GSN: variants seen among roughly 807,000 people sequenced by gnomAD.
The protein encoded by GSN is gelsolin, also known as actin-depolymerizing factor.
GSN carries 56 observed loss-of-function variants against 85.7 expected under a neutral mutation model. The observed-to-expected ratio is 0.65, with a 90% CI of 0.53 to 0.82. The LOEUF (loss-of-function observed/expected upper bound fraction) is 0.82. Ranked by LOEUF, GSN falls within the 40% of genes least tolerant of loss-of-function variation. The probability of loss-of-function intolerance (pLI) is 0.00; values close to 1 mark genes in which losing one functional copy is unlikely to be tolerated. For missense variants in GSN, 857 were observed against 979.8 expected (o/e 0.87, Z 1.67); for synonymous variants, 373 against 399.1 (o/e 0.93, Z 0.78).
At chr9:121,279,497 T>C (rs115919549) in intron 1 of GSN, among the ~76,000 whole-genome samples, 72 of 152,014 alleles carry the variant, frequency 4.7e-4, no homozygotes, top group African/African-American at 1.7e-3. Flanking sequence ...GGGGACACTC[T>C]GGATGCAGTC....
At chr9:121,216,826 A>T (rs950273575) in intron 4 of GSN, among the ~76,000 whole-genome samples, 1 of 152,158 alleles carries the variant, frequency 6.6e-6, no homozygotes, top group African/African-American at 2.4e-5. Context: ...AAACAACAGA[A>T]AATTATTTTA....
At chr9:121,282,235 C>T (rs13295875) in intron 2 of GSN, 25 of 584,398 alleles carry the variant, frequency 4.3e-5, no homozygotes, top group Admixed American at 1.2e-4. Flanking sequence ...TGGTCTCCCC[C>T]TACCCACCTA....
chr9:121,221,211 T>G (rs2054164314), intron 4 of GSN, among the ~76,000 whole-genome samples: 1 of 152,220 alleles, frequency 6.6e-6, no homozygotes, highest in Non-Finnish European at 1.5e-5. Context: ...CCGAAACTTC[T>G]CCATTTCAAG....
At chr9:121,264,170 T>A, upstream of GSN, among the ~76,000 whole-genome samples, 1 of 152,128 alleles carries the variant, frequency 6.6e-6, no homozygotes, top group Non-Finnish European at 1.5e-5. Flanking sequence ...GCATGGAAAT[T>A]TGGCCAGGTG....
intron 4 of GSN, 36 bp downstream of exon 4, chr9:121,303,101 C>T: frequency 3.7e-6 from 6 of 1,601,058 alleles, no homozygotes; most frequent in Non-Finnish European, 5.1e-6. Flanking sequence ...GCGGTAGGGA[C>T]AGATGCACCA....
At chr9:121,286,078 T>G in intron 2 of GSN, 1 of 1,530,430 alleles carries the variant, frequency 6.5e-7, no homozygotes, top group Non-Finnish European at 8.8e-7. Context: ...GAGTCCTATT[T>G]ATAGGCTGAG....
chr9:121,293,409 A>AT (rs34433704), intron 2 of GSN, among the ~76,000 whole-genome samples: 4 of 148,538 alleles, frequency 2.7e-5, no homozygotes, highest in African/African-American at 2.5e-5. Context: ...TTGTCTTTCC[A>AT]TTTTTTTTTT....
chr9:121,204,181 C>T (rs1290226057), upstream of GSN, among the ~76,000 whole-genome samples: 1 of 152,176 alleles, frequency 6.6e-6, no homozygotes. Context: ...TCATTTAATC[C>T]TTACCACATC....
chr9:121,312,287 G>C, intron 5 of GSN, 52 bp from the exon 6 acceptor site: 1 of 1,598,874 alleles, frequency 6.3e-7, no homozygotes. Context: ...CTGTCGCTGG[G>C]CGGGGCTTAT....
At chr9:121,216,788 G>A (rs147490555) in intron 4 of GSN, among the ~76,000 whole-genome samples, 1,918 of 152,304 alleles carry the variant, frequency 0.013, 54 homozygotes, top group Admixed American at 0.058. Context: ...TAGGACTGCC[G>A]TAACAAATAG....
intron 2 of GSN, among the ~76,000 whole-genome samples, chr9:121,290,113 G>A (rs1434201366): frequency 1.3e-5 from 2 of 152,100 alleles, no homozygotes; most frequent in African/African-American, 4.8e-5. Context: ...TGGGATGACC[G>A]TGGTTGGGTC....
Position 121,313,978 on chromosome 9 carries a change from C to A in GSN, c.708C>A (p.Thr236=). The change falls in exon 7 of 18, where the codon ACC becomes ACA. Residue 236 remains threonine (T), a synonymous_variant. Transcript: ENST00000432226. ...CTCTGCCTGCAGGTACCGAGGACAC[C>A]GCCAAGGAGGATGCGGCCAACCGCA... ...KPALPAGTED[T]AKEDAANRKL... 6.2e-7 allele frequency: 1 copy of A among 1,614,170 alleles called. No individual in the cohort carries two copies. Among genetic ancestry groups the A allele is most frequent in the Admixed American group, 1.7e-5 (1 of 60,024 alleles).
Position 121,332,369 on chromosome 9 carries a change from C to G in GSN, c.2027-65C>G. 1.4e-6 allele frequency: 2 copies of G among 1,390,842 alleles called. No individual in the cohort carries two copies. The highest frequency in any genetic ancestry group is 2.0e-6 in the Non-Finnish European group (2 of 976,094). 86.2% of individuals were successfully genotyped at this position (1,390,842 alleles called of 1,614,324 possible). On this transcript the variant is annotated intron_variant, in intron 17 of 17. Transcript: ENST00000432226. The surrounding 1 kb of genome is among the most constrained non-coding windows in gnomAD (Gnocchi z 4.8). ...TTGTCAACTCCTGTCCTGAGTCACC[C>G]TCTCCCTGGTGTGGGAGGCACTAAG...
intron 4 of GSN, among the ~76,000 whole-genome samples, chr9:121,215,553 G>T (rs1268456469): frequency 2.0e-5 from 3 of 152,078 alleles, no homozygotes; most frequent in Non-Finnish European, 4.4e-5. Context: ...AATTAGCCAG[G>T]TGTGGCGGCG....
rs539838492 is a variant in GSN, at chr9:121,256,174, A to G, written c.-341+7851A>G. Among the ~76,000 whole-genome samples, 155 of 152,314 alleles carry G rather than the reference A, an allele frequency of 1.0e-3. 2 individuals carry two copies. The highest frequency in any genetic ancestry group is 3.4e-3 in the African/African-American group (140 of 41,570). On this transcript the variant is annotated intron_variant, in intron 6 of 24. Transcript: ENST00000373823. ...CAAGTAAGAGCGGGAGGGGAAGGCT[A>G]TGTGCCTGTGCTGGCTTTTCTTGGG...
At chr9:121,276,848 G>A (rs10985199) in intron 1 of GSN, among the ~76,000 whole-genome samples, 57,459 of 151,768 alleles carry the variant, frequency 0.38, 13,541 homozygotes, top group East Asian at 0.62. Flanking sequence ...TGTAAATGAC[G>A]AGTTAATGAG....
At chr9:121,236,932 A>G (rs912506262) in intron 5 of GSN, among the ~76,000 whole-genome samples, 3 of 152,254 alleles carry the variant, frequency 2.0e-5, no homozygotes, top group Non-Finnish European at 4.4e-5. Context: ...AGCATCTGGT[A>G]AACACTTTAG....
intron 5 of GSN, among the ~76,000 whole-genome samples, chr9:121,233,206 C>T (rs1418357693): frequency 6.6e-6 from 1 of 152,144 alleles, no homozygotes; most frequent in Non-Finnish European, 1.5e-5. Flanking sequence ...TGGCTCATGC[C>T]TGTAATCCCA....
intron 13 of GSN, 93 bp downstream of exon 13, chr9:121,326,775 G>A (rs1332618790): frequency 8.7e-7 from 1 of 1,147,076 alleles, no homozygotes; most frequent in Non-Finnish European, 1.3e-6. Flanking sequence ...ACGGGGGCAG[G>A]GGATGGTGAA....
Sources: allele counts gnomAD v4.1 joint callset (sites outside exome capture counted in the v4.1 genomes callset), GRCh38; gene constraint gnomAD v4.1.1; non-coding constraint Gnocchi (gnomAD v3.1); transcripts MANE v1.5; gene names NCBI Gene and HGNC (gene_info 2026-07-23, HGNC 2026-07-21).